The following DMD variants were observed in gnomAD, a reference collection of about 807,000 sequenced individuals.
The protein encoded by DMD is dystrophin.
DMD carries 63 observed loss-of-function variants against 330.1 expected under a neutral mutation model. The observed-to-expected ratio is 0.19, with a 90% CI of 0.16 to 0.24. The LOEUF is 0.24. Ranked by LOEUF, DMD falls within the 10% of genes least tolerant of loss-of-function variation. The pLI is 1.00. For synonymous variants in DMD, 1,223 were observed against 959.8 expected (o/e 1.27, Z -5.07); for missense variants, 3,344 against 2,684.1 (o/e 1.25, Z -5.43).
At chrX:31,963,019 G>A (rs778459796) in intron 45 of DMD, among the ~76,000 whole-genome samples, 7 of 111,935 alleles carry the variant, frequency 6.3e-5, no homozygotes, top group African/African-American at 2.3e-4. Flanking sequence ...TTGGTTGAAA[G>A]CTATTTGGTT....
chrX:31,755,954 A>T (rs1020571520), intron 51 of DMD, among the ~76,000 whole-genome samples: 2 of 112,060 alleles, frequency 1.8e-5, no homozygotes, highest in African/African-American at 6.5e-5. Flanking sequence ...AAAGGCTGGT[A>T]TTTACATAAT....
intron 59 of DMD, among the ~76,000 whole-genome samples, chrX:31,471,064 A>C (rs1378933155): frequency 3.6e-5 from 4 of 111,841 alleles, no homozygotes; most frequent in African/African-American, 1.3e-4. Flanking sequence ...ATTTCAAGCC[A>C]GTGGATCTTA....
At chrX:32,888,136 G>A (rs1354697187) in intron 2 of DMD, among the ~76,000 whole-genome samples, 1 of 110,785 alleles carries the variant, frequency 9.0e-6, no homozygotes, top group East Asian at 2.8e-4. Flanking sequence ...TTAAGGAACT[G>A]AATTTTTATT....
intron 4 of DMD, among the ~76,000 whole-genome samples, chrX:32,831,301 A>G (rs2079128980): frequency 9.0e-6 from 1 of 111,072 alleles, no homozygotes. Flanking sequence ...ATGATGGTTT[A>G]CAGTAAAAGG....
chrX:31,711,087 C>CAAAAAA (rs773274149), intron 52 of DMD, among the ~76,000 whole-genome samples: 2 of 97,522 alleles, frequency 2.1e-5, no homozygotes, highest in Admixed American at 1.1e-4. Context: ...GGCTCCAGAC[C>CAAAAAA]AAAAAAAAAA....
chrX:32,344,564 G>A (rs762041465), intron 39 of DMD, among the ~76,000 whole-genome samples: 1 of 111,126 alleles, frequency 9.0e-6, no homozygotes, highest in African/African-American at 3.3e-5. Context: ...TTCAAAGGTA[G>A]CAAGATACAG....
intron 43 of DMD, among the ~76,000 whole-genome samples, chrX:32,241,251 C>T (rs58026656): frequency 0.13 from 14,730 of 111,612 alleles, 756 homozygotes; most frequent in Admixed American, 0.16. Flanking sequence ...GCATGTGCAT[C>T]GCGTCCCGTG....
chrX:32,594,943 G>C lies in DMD; in HGVS notation c.1602+814C>G, dbSNP rs141465606. Among the ~76,000 whole-genome samples, 400 of 111,736 alleles carry C rather than the reference G, an allele frequency of 3.6e-3. 8 individuals are homozygous for C. Among genetic ancestry groups the C allele is most frequent in the Admixed American group, 0.026 (274 of 10,437 alleles). The stretch of plus-strand genomic sequence containing the variant: ...GGGATGGAATCAAAGAAAAGTTATA[G>C]CAAGGGCTTTCTCTCCACTTGATTC... On this transcript the variant is annotated intron_variant, in intron 13 of 78. Transcript: ENST00000357033.
chrX:32,914,529 T>C (rs1182160054), intron 2 of DMD, among the ~76,000 whole-genome samples: 2 of 112,064 alleles, frequency 1.8e-5, no homozygotes, highest in South Asian at 3.7e-4. Flanking sequence ...TTGGATTTCA[T>C]GCCATGGCAA....
chrX:31,702,742 T>C (rs1259616678), intron 52 of DMD, among the ~76,000 whole-genome samples: 1 of 111,185 alleles, frequency 9.0e-6, no homozygotes, highest in Non-Finnish European at 1.9e-5. Context: ...GTATTGGCAT[T>C]TTTTTTAAAC....
intron 43 of DMD, among the ~76,000 whole-genome samples, chrX:32,252,695 T>A (rs868582862): frequency 4.4e-5 from 2 of 45,000 alleles, no homozygotes; most frequent in East Asian, 1.2e-3. Context: ...AATATATATA[T>A]AAATATATAT....
At chrX:32,482,638 G>A (rs935340142) in intron 21 of DMD, among the ~76,000 whole-genome samples, 1 of 111,495 alleles carries the variant, frequency 9.0e-6, no homozygotes, top group African/African-American at 3.2e-5. Flanking sequence ...AGTTCTTACA[G>A]CATCCCATAT....
At chrX:33,332,279 G>A (rs192494424) in intron 1 of DMD, among the ~76,000 whole-genome samples, 28 of 111,781 alleles carry the variant, frequency 2.5e-4, no homozygotes, top group African/African-American at 8.4e-4. Context: ...GCTAACATTT[G>A]TTAACTTGAT....
intron 12 of DMD, among the ~76,000 whole-genome samples, chrX:32,603,114 C>A (rs1010647074): frequency 9.0e-6 from 1 of 110,703 alleles, no homozygotes; most frequent in Non-Finnish European, 1.9e-5. Context: ...ATGTGCTAGG[C>A]CACAAGGTGG....
chrX:32,177,506 C>T (rs1035164224), intron 44 of DMD, among the ~76,000 whole-genome samples: 2 of 111,907 alleles, frequency 1.8e-5, no homozygotes, highest in Admixed American at 1.9e-4. Flanking sequence ...TTTCCACCAC[C>T]TTCACGGTAG....
chrX:32,677,190 A>G (rs976350181), intron 9 of DMD, among the ~76,000 whole-genome samples: 13 of 111,248 alleles, frequency 1.2e-4, no homozygotes, highest in African/African-American at 3.9e-4. Context: ...ATGTATAACC[A>G]CACAAATAAT....
intron 60 of DMD, among the ~76,000 whole-genome samples, chrX:31,388,420 A>G (rs759629545): frequency 1.1e-4 from 12 of 111,495 alleles, no homozygotes; most frequent in Non-Finnish European, 2.1e-4. Context: ...CCCACAATAG[A>G]TATTAATTGA....
intron 1 of DMD, among the ~76,000 whole-genome samples, chrX:33,063,180 G>A (rs2094603291): frequency 9.0e-6 from 1 of 111,514 alleles, no homozygotes; most frequent in Admixed American, 9.6e-5. Context: ...TATTATTACT[G>A]TACTTCATTT....
intron 5 of DMD, among the ~76,000 whole-genome samples, chrX:32,817,188 C>A (rs945799165): frequency 2.7e-5 from 3 of 110,782 alleles, no homozygotes; most frequent in Non-Finnish European, 5.7e-5. Flanking sequence ...CAGATAAAAC[C>A]CCTGATTTCA....
Sources: gnomAD v4.1 joint callset for allele counts (sites outside exome capture counted in the v4.1 genomes callset) on GRCh38, gnomAD v4.1.1 for gene constraint, MANE v1.5 for transcripts, NCBI Gene and HGNC (gene_info 2026-07-23, HGNC 2026-07-21) for gene names.